Variants in CCDC88C observed in about 807,000 individuals in gnomAD.
CCDC88C encodes the protein protein Daple.
Under a neutral mutation model 198.8 loss-of-function variants are expected in CCDC88C, and 131 were observed. The observed-to-expected ratio is 0.66, with a 90% confidence interval of 0.57 to 0.76. The LOEUF is 0.76. Among genes scored for constraint, CCDC88C ranks in the 30% least tolerant of loss-of-function variants. The pLI, the probability that CCDC88C is intolerant of heterozygous loss-of-function variation, is 0.00. For missense variants in CCDC88C, 2,553 were observed against 2,631.6 expected, an observed-to-expected ratio of 0.97 and a Z score of 0.65; for synonymous variants, 1,166 against 1,114.7, an observed-to-expected ratio of 1.05 and a Z score of -0.92.
intron 2 of CCDC88C, among the ~76,000 whole-genome samples, chr14:91,413,138 A>G (rs1376127655): frequency 1.3e-5 from 2 of 152,176 alleles, no homozygotes; most frequent in African/African-American, 4.8e-5. Context: ...CCAAGTTCCA[A>G]CTTTAGCCAC....
chr14:91,324,890 G>A lies in CCDC88C; in HGVS notation c.1231C>T (p.Leu411=). The change falls in exon 12 of 30, where the codon CTG becomes TTG. Residue 411 remains leucine, a synonymous_variant. Transcript: ENST00000389857. ...TCAAGGACCATGTTTTCTTCCAGCA[G>A]CTCCTCAATTCGTTTCTTATCTGTG... is the stretch of plus-strand genomic sequence containing the variant. ...RDTDKKRIEE[L]LEENMVLEIA... 6.2e-7 allele frequency: 1 copy of A among 1,613,844 alleles called. No homozygotes were observed.
rs144975039 is a variant in CCDC88C at position 91,352,900 on chromosome 14, C to T, written c.340+6742G>A. ...AGCAGGAGGACTGTTCCTCACAAGC[C>T]GGACTCTGAGCCTGTGCCTGGGTTG... On this transcript the variant is annotated intron_variant, in intron 4 of 29. Coordinates refer to ENST00000389857, the MANE Select transcript of CCDC88C (RefSeq NM_001080414.4). The surrounding 1 kb of genome is among the most constrained non-coding windows in gnomAD (Gnocchi z 4.2). 6.6e-6 allele frequency among the ~76,000 whole-genome samples: 1 copy of T among 152,292 alleles called. No homozygotes were observed. The highest frequency in any genetic ancestry group is 1.9e-4 in the East Asian group (1 of 5,174).
rs544655936 is a variant in CCDC88C, at chr14:91,288,240, A to C, written c.4441+865T>G. On this transcript the variant is annotated intron_variant, in intron 25 of 29. Transcript: ENST00000389857. This position sits in a 1 kb window ranked among gnomAD's most constrained non-coding sequence, Gnocchi z 4.2. ...CCTGAGAGTTGATGAAATACAGCATACATGATGAGAAATCCTGTTCTTGTT... is the reference window on the plus strand; with the variant it reads ...CCTGAGAGTTGATGAAATACAGCATCCATGATGAGAAATCCTGTTCTTGTT... Among the ~76,000 whole-genome samples the C allele has an allele frequency of 2.2e-4, 33 of 152,342 alleles. No individual in the cohort carries two copies. The Middle Eastern group carries it at 0.01, about 47-fold the overall frequency.
chr14:91,378,966 G>C (rs1281045131), intron 3 of CCDC88C: 1 of 152,212 alleles, frequency 6.6e-6, no homozygotes, highest in Non-Finnish European at 1.5e-5. Flanking sequence ...GCATCCATGT[G>C]CAGAAGTTAC....
At chr14:91,382,454 G>A (rs2139955680) in intron 3 of CCDC88C, among the ~76,000 whole-genome samples, 1 of 152,292 alleles carries the variant, frequency 6.6e-6, no homozygotes, top group African/African-American at 2.4e-5. Context: ...GGCCTTCTTT[G>A]TCAGGAATAA....
intron 4 of CCDC88C, among the ~76,000 whole-genome samples, chr14:91,354,491 GC>G (rs2139893082): frequency 6.6e-6 from 1 of 152,350 alleles, no homozygotes; most frequent in Admixed American, 6.5e-5. Flanking sequence ...TAATAGCTGT[GC>G]AGCTGGCAAG....
chr14:91,282,188 A>G (rs1890226775), intron 26 of CCDC88C, among the ~76,000 whole-genome samples: 1 of 152,184 alleles, frequency 6.6e-6, no homozygotes, highest in South Asian at 2.1e-4. Flanking sequence ...TGCAACAGAT[A>G]TCTGGAGTGG....
rs1312176603 is a variant in CCDC88C at position 91,271,944 on chromosome 14, G to C, written c.*681C>G. The C allele has an allele frequency of 6.5e-6, 1 of 152,762 alleles. No homozygotes were observed. The highest frequency in any genetic ancestry group is 1.5e-5 in the Non-Finnish European group (1 of 68,140). 9.5% of individuals were successfully genotyped at this position (152,762 alleles called of 1,614,324 possible). A position where few individuals can be genotyped will look rare whatever the true frequency, so the allele number is the denominator to read the frequency against. ...AATCTAGGAAGGCAGGTGCCTGTGT[G>C]GTCCCCAAACCCCCTGGTGCAGAGC... On this transcript the variant is annotated 3_prime_UTR_variant, in exon 30 of 30. Coordinates refer to ENST00000389857, the MANE Select transcript of CCDC88C (RefSeq NM_001080414.4).
chr14:91,283,623 G>A (rs1475034533), intron 25 of CCDC88C, 106 bp from the exon 26 acceptor site: 2 of 1,116,026 alleles, frequency 1.8e-6, no homozygotes, highest in Non-Finnish European at 2.5e-6. Flanking sequence ...GAGGACCACA[G>A]AGACAAAAGC....
chr14:91,314,966 A>G (rs1271706400), intron 14 of CCDC88C, among the ~76,000 whole-genome samples: 1 of 152,226 alleles, frequency 6.6e-6, no homozygotes, highest in East Asian at 1.9e-4. Flanking sequence ...GTGAGATCCC[A>G]TCTCTATTAA....
intron 23 of CCDC88C, among the ~76,000 whole-genome samples, chr14:91,293,414 A>ACAGCCCACCTTCCTGTCCCCTCG (rs1890801137): frequency 1.6e-4 from 2 of 12,716 alleles, no homozygotes; most frequent in South Asian, 1.8e-3. Flanking sequence ...CTGCCCCCTC[A>ACAGCCCACCTTCCTGTCCCCTCG]CCTGCCACGG....
rs1296680838 is a variant in CCDC88C, at chr14:91,272,743, G to A, written c.5969C>T (p.Pro1990Leu). ...KSPGRSPDLAPHLGRALEDCS... is the reference protein window; with the variant it reads ...KSPGRSPDLALHLGRALEDCS... ...GTCCTCCAGGGCCCGGCCGAGGTGG[G>A]GAGCCAAATCGGGAGACCGACCTGG... The change falls in exon 30 of 30, where the codon CCC (proline) becomes CTC (leucine). Residue 1990 changes from proline to leucine, a missense_variant. Around this residue, in one of 2 missense-constraint regions of CCDC88C, gnomAD observed 1,293 missense variants for 1,219.6 expected, o/e 1.06. Transcript: ENST00000389857. 11 of 1,609,114 alleles carry A rather than the reference G, an allele frequency of 6.8e-6. No individual in the cohort carries two copies. Among genetic ancestry groups the A allele is most frequent in the South Asian group, 2.2e-5 (2 of 90,938 alleles).
At chr14:91,316,776 C>A (rs1245546219) in intron 13 of CCDC88C, among the ~76,000 whole-genome samples, 1 of 152,194 alleles carries the variant, frequency 6.6e-6, no homozygotes, top group East Asian at 1.9e-4. Context: ...GTCCTACCTA[C>A]CCCTGATGGA....
In CCDC88C at chr14:91,297,455, G is replaced by T. The variant is rs760112109; in HGVS notation, c.3816C>A (p.Tyr1272Ter). ...CCTTGGTGTGGGCGTGCAGCTCCTCGTACTCCCCCTTCAGCTGGTGGTGCA... is the reference window on the plus strand; with the variant it reads ...CCTTGGTGTGGGCGTGCAGCTCCTCTTACTCCCCCTTCAGCTGGTGGTGCA... ...NFLHHQLKGE[Y>*]EELHAHTKEL... is the part of the protein sequence containing the mutation. Residue 1272 changes from tyrosine (Y) to a stop codon, truncating the protein, a stop_gained, in exon 22 of 30, where the codon TAC becomes TAA. Coordinates refer to ENST00000389857, the MANE Select transcript of CCDC88C (RefSeq NM_001080414.4). LOFTEE classifies it high-confidence loss of function. 6.3e-7 allele frequency: 1 copy of T among 1,577,502 alleles called. No homozygotes were observed. The highest frequency in any genetic ancestry group is 8.6e-7 in the Non-Finnish European group (1 of 1,161,450).
intron 29 of CCDC88C, among the ~76,000 whole-genome samples, chr14:91,274,458 A>G (rs1340649721): frequency 6.6e-6 from 1 of 152,220 alleles, no homozygotes; most frequent in Non-Finnish European, 1.5e-5. Context: ...CTGCAAGCCT[A>G]GCTTCTCCTG....
intron 29 of CCDC88C, among the ~76,000 whole-genome samples, chr14:91,277,635 G>A (rs1890018658): frequency 6.6e-6 from 1 of 152,208 alleles, no homozygotes; most frequent in Non-Finnish European, 1.5e-5. Context: ...AACCCAGCGT[G>A]AGATCCTAGC....
chr14:91,401,346 AT>A lies in CCDC88C; in HGVS notation c.270+7312del, dbSNP rs141579899. ...TATTACATATATTATATATATATAT[AT>A]TTTTTGAGACGGAGCCTTACTCTGT... On this transcript the variant is annotated intron_variant, in intron 3 of 29. Coordinates refer to ENST00000389857, the MANE Select transcript of CCDC88C (RefSeq NM_001080414.4). 9.4e-5 allele frequency among the ~76,000 whole-genome samples: 12 copies of A among 127,036 alleles called. No homozygotes were observed. The South Asian group carries it at 2.4e-3, about 26-fold the overall frequency. The allele number at this position is 127,036 out of a possible 152,430, so 83.3% of individuals were successfully genotyped here. A position where few individuals can be genotyped will look rare whatever the true frequency, so the allele number is the denominator to read the frequency against.
chr14:91,365,213 G>A (rs1316199666), intron 3 of CCDC88C, among the ~76,000 whole-genome samples: 1 of 151,428 alleles, frequency 6.6e-6, no homozygotes. Context: ...GTTTCACCTT[G>A]CTGGGGCTTC....
intron 14 of CCDC88C, among the ~76,000 whole-genome samples, chr14:91,315,337 G>T (rs751691854): frequency 6.6e-6 from 1 of 152,022 alleles, no homozygotes; most frequent in Non-Finnish European, 1.5e-5. Flanking sequence ...CCTGACCTGC[G>T]CACTGCAGAA....
Sources: allele counts gnomAD v4.1 joint callset (sites outside exome capture counted in the v4.1 genomes callset), GRCh38; gene constraint gnomAD v4.1.1; regional missense constraint gnomAD v4.1.1; non-coding constraint Gnocchi (gnomAD v3.1); transcripts MANE v1.5; gene names NCBI Gene and HGNC (gene_info 2026-07-23, HGNC 2026-07-21).